GALNT13: variants seen among roughly 807,000 people sequenced by gnomAD.
The protein encoded by GALNT13 is UDP-GalNAc:polypeptide N-acetylgalactosaminyltransferase 13.
Under a neutral mutation model 64.2 loss-of-function variants are expected in GALNT13, and 28 were observed. The observed-to-expected ratio is 0.44, with a 90% CI of 0.32 to 0.60. The LOEUF is 0.60. Among genes scored for constraint, GALNT13 ranks in the 20% least tolerant of loss-of-function variants. GALNT13 has a pLI of 0.05. For missense variants in GALNT13, 577 were observed against 669.8 expected, an observed-to-expected ratio of 0.86 and a Z score of 1.53; for synonymous variants, 214 against 224.6, an observed-to-expected ratio of 0.95 and a Z score of 0.42.
At chr2:153,858,247 G>A in the GALNT13 span, among the ~76,000 whole-genome samples, 1 of 152,158 alleles carries the variant, frequency 6.6e-6, no homozygotes, top group Non-Finnish European at 1.5e-5. Context: ...GCCCAAGTAG[G>A]CCCCAATGAT....
chr2:153,591,941 G>T, the GALNT13 span, among the ~76,000 whole-genome samples: 1 of 151,912 alleles, frequency 6.6e-6, no homozygotes, highest in South Asian at 2.1e-4. Flanking sequence ...GATGAGGGAC[G>T]AATATCCAGA....
the GALNT13 span, among the ~76,000 whole-genome samples, chr2:153,559,783 G>A: frequency 1.1e-3 from 168 of 152,136 alleles, no homozygotes; most frequent in African/African-American, 3.8e-3. Flanking sequence ...ATCTGTACTT[G>A]TTTGCTGTAG....
At chr2:153,090,903 G>C in the GALNT13 span, among the ~76,000 whole-genome samples, 3 of 152,100 alleles carry the variant, frequency 2.0e-5, no homozygotes, top group Non-Finnish European at 2.9e-5. Flanking sequence ...GTGGGGGATA[G>C]CTGGTAGCAA....
chr2:153,401,316 T>C, the GALNT13 span, among the ~76,000 whole-genome samples: 10 of 151,970 alleles, frequency 6.6e-5, no homozygotes, highest in Admixed American at 4.6e-4. Flanking sequence ...TCTGTTCTTT[T>C]ACATTTGCTG....
chr2:153,905,176 T>C (rs1416872330), intron 2 of GALNT13, among the ~76,000 whole-genome samples: 1 of 151,974 alleles, frequency 6.6e-6, no homozygotes, highest in African/African-American at 2.4e-5. Context: ...AGAATAATTG[T>C]TTAGATTTTA....
intron 3 of GALNT13, among the ~76,000 whole-genome samples, chr2:154,051,034 A>G (rs2105346412): frequency 6.6e-6 from 1 of 152,274 alleles, no homozygotes; most frequent in African/African-American, 2.4e-5. Flanking sequence ...AAACTTTGGG[A>G]ACATTGTGTC....
chr2:153,861,269 C>A, the GALNT13 span, among the ~76,000 whole-genome samples: 2 of 152,080 alleles, frequency 1.3e-5, no homozygotes, highest in Non-Finnish European at 2.9e-5. Flanking sequence ...ACTTATTTTA[C>A]CAACGAAATA....
At chr2:154,076,859 G>A (rs147993327) in intron 3 of GALNT13, among the ~76,000 whole-genome samples, 2 of 151,640 alleles carry the variant, frequency 1.3e-5, no homozygotes, top group African/African-American at 2.4e-5. Flanking sequence ...TGCAAAATAC[G>A]TTATATAATA....
the GALNT13 span, among the ~76,000 whole-genome samples, chr2:153,536,675 A>G: frequency 6.6e-6 from 1 of 152,232 alleles, no homozygotes; most frequent in Non-Finnish European, 1.5e-5. Flanking sequence ...TCATTAGCAT[A>G]TAATAGTGTA....
chr2:154,397,656 A>G (rs1188145745), intron 10 of GALNT13, among the ~76,000 whole-genome samples: 1 of 152,148 alleles, frequency 6.6e-6, no homozygotes, highest in Admixed American at 6.5e-5. Context: ...AGAAAAAAAT[A>G]CTTGAGGTGA....
At chr2:154,290,422 G>A (rs904910389) in intron 8 of GALNT13, among the ~76,000 whole-genome samples, 25 of 152,326 alleles carry the variant, frequency 1.6e-4, no homozygotes, top group East Asian at 5.8e-4. Flanking sequence ...CTCTCTTGCC[G>A]GGGTAGACTG....
At chr2:153,280,522 T>G in the GALNT13 span, among the ~76,000 whole-genome samples, 1 of 152,174 alleles carries the variant, frequency 6.6e-6, no homozygotes, top group Admixed American at 6.5e-5. Flanking sequence ...ACCTTCCTCT[T>G]GAAATTGCTT....
intron 4 of GALNT13, among the ~76,000 whole-genome samples, chr2:154,194,195 C>T (rs1466180331): frequency 1.3e-5 from 2 of 152,126 alleles, no homozygotes; most frequent in African/African-American, 4.8e-5. Flanking sequence ...AAGTTTAAGT[C>T]TTACTGCTGC....
chr2:153,873,872 G>GTC (rs72565103), intron 1 of GALNT13, among the ~76,000 whole-genome samples: 19 of 150,984 alleles, frequency 1.3e-4, no homozygotes, highest in South Asian at 1.1e-3. Context: ...CTGTCTCCCT[G>GTC]TCTCTCTCTC....
At chr2:153,132,704 C>T in the GALNT13 span, among the ~76,000 whole-genome samples, 1 of 152,216 alleles carries the variant, frequency 6.6e-6, no homozygotes, top group African/African-American at 2.4e-5. Context: ...ATATTTTAAT[C>T]AGCATGGAAT....
the GALNT13 span, among the ~76,000 whole-genome samples, chr2:153,550,697 A>C: frequency 2.0e-5 from 3 of 152,320 alleles, no homozygotes; most frequent in African/African-American, 7.2e-5. Flanking sequence ...CTAATCCTCA[A>C]ATACTTGCCT....
chr2:153,757,056 A>G, the GALNT13 span, among the ~76,000 whole-genome samples: 7 of 152,190 alleles, frequency 4.6e-5, no homozygotes, highest in Non-Finnish European at 8.8e-5. Context: ...AAGTGATGCT[A>G]TAATATTTGT....
At chr2:154,188,003 G>C (rs1470329095) in intron 4 of GALNT13, among the ~76,000 whole-genome samples, 1 of 145,090 alleles carries the variant, frequency 6.9e-6, no homozygotes, top group Non-Finnish European at 1.5e-5. Context: ...GATGTAGCTA[G>C]GCATCAGGCA....
At chr2:153,834,852 C>G in the GALNT13 span, among the ~76,000 whole-genome samples, 1 of 152,060 alleles carries the variant, frequency 6.6e-6, no homozygotes, top group African/African-American at 2.4e-5. Flanking sequence ...ATGAAGCTGT[C>G]TGTACCTAGA....
Sources: allele counts gnomAD v4.1 joint callset (sites outside exome capture counted in the v4.1 genomes callset), GRCh38; gene constraint gnomAD v4.1.1; transcripts MANE v1.5; gene names NCBI Gene and HGNC (gene_info 2026-07-23, HGNC 2026-07-21).